The following BAIAP2L1 variants were observed in gnomAD, a reference collection of about 807,000 sequenced individuals.
BAIAP2L1 encodes BAR/IMD domain containing adaptor protein 2 like 1.
Under a neutral mutation model 66.3 loss-of-function variants are expected in BAIAP2L1, and 35 were observed. The ratio of observed to expected loss-of-function variants is 0.53; its 90% confidence interval spans 0.40 to 0.70. BAIAP2L1 has a LOEUF of 0.70. BAIAP2L1 is among the 30% of genes least tolerant of loss of function. BAIAP2L1 has a pLI of 0.00. For missense variants in BAIAP2L1, 622 were observed against 656.9 expected (o/e 0.95, Z 0.58); for synonymous variants, 269 against 248.7 (o/e 1.08, Z -0.77).
intron 2 of BAIAP2L1, among the ~76,000 whole-genome samples, chr7:98,361,222 T>C (rs1340431645): frequency 6.6e-6 from 1 of 152,010 alleles, no homozygotes; most frequent in Non-Finnish European, 1.5e-5. Context: ...CTGGGCATGG[T>C]GGTGTACACC....
chr7:98,354,715 C>T (rs1474043136), intron 3 of BAIAP2L1, among the ~76,000 whole-genome samples: 1 of 152,138 alleles, frequency 6.6e-6, no homozygotes, highest in East Asian at 1.9e-4. Context: ...GGCCACAGCC[C>T]GAGGCCCCAG....
intron 1 of BAIAP2L1, among the ~76,000 whole-genome samples, chr7:98,397,688 T>C (rs1803248506): frequency 6.6e-6 from 1 of 152,140 alleles, no homozygotes. Context: ...AAGGGTTTTT[T>C]TGAACTACTT....
intron 1 of BAIAP2L1, among the ~76,000 whole-genome samples, chr7:98,389,121 C>T (rs1802965384): frequency 1.3e-5 from 2 of 151,932 alleles, no homozygotes; most frequent in South Asian, 4.2e-4. Context: ...AAGACTCAGG[C>T]AATTGTGTCA....
intron 3 of BAIAP2L1, among the ~76,000 whole-genome samples, chr7:98,320,578 A>C (rs540906408): frequency 6.6e-6 from 1 of 152,256 alleles, no homozygotes; most frequent in Non-Finnish European, 1.5e-5. Context: ...TCAGGTGATC[A>C]ACTGCCTTGG....
At chr7:98,304,116 G>A in intron 12 of BAIAP2L1, 80 bp downstream of exon 12, 10 of 1,407,012 alleles carry the variant, frequency 7.1e-6, no homozygotes, top group Non-Finnish European at 8.5e-6. Context: ...GCAGAGCAAG[G>A]CGGTCACCAC....
At chr7:98,358,404 C>A (rs1802190718) in intron 2 of BAIAP2L1, among the ~76,000 whole-genome samples, 6 of 151,888 alleles carry the variant, frequency 4.0e-5, no homozygotes. Context: ...GTTGCCCACA[C>A]TGGAGTGCAG....
At chr7:98,304,076 CG>C (rs1800534307) in intron 12 of BAIAP2L1, 119 bp downstream of exon 12, 1 of 1,095,282 alleles carries the variant, frequency 9.1e-7, no homozygotes, top group Non-Finnish European at 1.2e-6. Flanking sequence ...CCCTCCTCCC[CG>C]GGGACACCAC....
At chr7:98,331,572 G>A (rs1204608362) in intron 3 of BAIAP2L1, among the ~76,000 whole-genome samples, 1 of 149,406 alleles carries the variant, frequency 6.7e-6, no homozygotes, top group Non-Finnish European at 1.5e-5. Context: ...GAGTTCAAGC[G>A]ATTCTCCTGC....
At chr7:98,333,700 T>A (rs1335397846) in intron 3 of BAIAP2L1, among the ~76,000 whole-genome samples, 1 of 152,220 alleles carries the variant, frequency 6.6e-6, no homozygotes. Context: ...TTTGGTTTTA[T>A]GTCATTTTCA....
intron 1 of BAIAP2L1, among the ~76,000 whole-genome samples, chr7:98,376,974 A>G (rs1176212454): frequency 1.3e-5 from 2 of 152,174 alleles, no homozygotes; most frequent in African/African-American, 2.4e-5. Context: ...ATTATCTTCA[A>G]TAATCAGGGT....
intron 3 of BAIAP2L1, among the ~76,000 whole-genome samples, chr7:98,349,077 C>T (rs1468390046): frequency 6.6e-6 from 1 of 152,252 alleles, no homozygotes; most frequent in African/African-American, 2.4e-5. Context: ...ACAGTCCATG[C>T]TCTGCCTAGC....
In BAIAP2L1 at chr7:98,292,425, C is replaced by T. The variant is rs928641852; in HGVS notation, c.*1096G>A. ...CTGACCTCAGGTGATCCCCCTGCCT[C>T]GGCCTCACAAAATGCTGGGATTCCC... On this transcript the variant is annotated 3_prime_UTR_variant, in exon 14 of 14. Coordinates refer to ENST00000005260, the MANE Select transcript of BAIAP2L1 (RefSeq NM_018842.5). 10 of 572,044 alleles carry T rather than the reference C, an allele frequency of 1.7e-5. No individual in the cohort carries two copies. The highest frequency in any genetic ancestry group is 3.1e-5 in the Non-Finnish European group (10 of 321,594). 35.4% of individuals were successfully genotyped at this position (572,044 alleles called of 1,614,324 possible). A position where few individuals can be genotyped will look rare whatever the true frequency, so the allele number is the denominator to read the frequency against.
intron 1 of BAIAP2L1, among the ~76,000 whole-genome samples, chr7:98,371,500 A>C (rs1158100455): frequency 6.6e-6 from 1 of 152,196 alleles, no homozygotes; most frequent in Admixed American, 6.5e-5. Context: ...AGCACACACT[A>C]TTCACCAGAT....
intron 1 of BAIAP2L1, among the ~76,000 whole-genome samples, chr7:98,373,656 A>C (rs773871215): frequency 2.6e-5 from 4 of 152,196 alleles, no homozygotes; most frequent in Non-Finnish European, 5.9e-5. Context: ...GCAGCTTAAC[A>C]TTATGGAGTG....
In BAIAP2L1 at chr7:98,293,355, C is replaced by G; in HGVS notation, c.*166G>C. On this transcript the variant is annotated 3_prime_UTR_variant, in exon 14 of 14. Transcript: ENST00000005260. Reference sequence around the variant, plus strand: ...ATTTATCTTAAAGGCAGAAACTTGTCAACCCAACTACGTGAAACAGAGAAG... The same window carrying G: ...ATTTATCTTAAAGGCAGAAACTTGTGAACCCAACTACGTGAAACAGAGAAG... 1.6e-6 allele frequency: 1 copy of G among 623,098 alleles called. No individual in the cohort carries two copies. Among genetic ancestry groups the G allele is most frequent in the Non-Finnish European group, 2.8e-6 (1 of 354,938 alleles). The allele number at this position is 623,098 out of a possible 1,614,324, so 38.6% of individuals were successfully genotyped here. A position where few individuals can be genotyped will look rare whatever the true frequency, so the allele number is the denominator to read the frequency against.
In BAIAP2L1 at chr7:98,294,084, G is replaced by T; in HGVS notation, c.1450C>A (p.Pro484Thr). The change falls in exon 13 of 14, where the codon CCT (proline) becomes ACT (threonine). Residue 484 changes from proline (P) to threonine (T), a missense_variant. Pro to Thr is a conservative substitution (Grantham distance 38). Transcript: ENST00000005260. ...PNDANGTAKP[P>T]FLSGENPFAT... The stretch of plus-strand genomic sequence containing the variant: ...GGAAGCCACGCCTACCTGAGAAAAG[G>T]CGGCTTTGCAGTCCCGTTGGCATCG... 2 of 1,614,148 alleles carry T rather than the reference G, an allele frequency of 1.2e-6. No homozygotes were observed. The highest frequency in any genetic ancestry group is 1.7e-6 in the Non-Finnish European group (2 of 1,179,950).
At chr7:98,328,934 T>C (rs1562975314) in intron 3 of BAIAP2L1, among the ~76,000 whole-genome samples, 1 of 152,224 alleles carries the variant, frequency 6.6e-6, no homozygotes, top group Non-Finnish European at 1.5e-5. Context: ...TCTCCTGTTA[T>C]CTAAGGGAAC....
chr7:98,372,555 C>A (rs578222030), intron 1 of BAIAP2L1, among the ~76,000 whole-genome samples: 24 of 152,010 alleles, frequency 1.6e-4, no homozygotes, highest in Non-Finnish European at 1.5e-4. Flanking sequence ...ATATGCAGTT[C>A]TGTGGCTTGT....
At chr7:98,390,270 C>A (rs888309668) in intron 1 of BAIAP2L1, among the ~76,000 whole-genome samples, 5 of 151,858 alleles carry the variant, frequency 3.3e-5, no homozygotes, top group Non-Finnish European at 5.9e-5. Context: ...AGACAGAAAT[C>A]ATAAGATTTA....
Sources: allele counts gnomAD v4.1 joint callset (sites outside exome capture counted in the v4.1 genomes callset), GRCh38; gene constraint gnomAD v4.1.1; transcripts MANE v1.5; gene names NCBI Gene and HGNC (gene_info 2026-07-23, HGNC 2026-07-21).